The following PPFIBP1 variants were observed in gnomAD, a reference collection of about 807,000 sequenced individuals.
PPFIBP1 encodes liprin-beta-1.
In PPFIBP1, 112 loss-of-function variants were observed where a neutral mutation model predicts 137.8. The ratio of observed to expected loss-of-function variants is 0.81; its 90% CI spans 0.70 to 0.95. The LOEUF (loss-of-function observed/expected upper bound fraction) is 0.95. Ranked by LOEUF, PPFIBP1 falls within the 40% of genes least tolerant of loss-of-function variation. The pLI is 0.00. For missense variants in PPFIBP1, 1,083 were observed against 1,196.6 expected (o/e 0.91, Z 1.40); for synonymous variants, 378 against 417.3 (o/e 0.91, Z 1.15).
chr12:27,577,657 A>G lies in PPFIBP1; in HGVS notation c.-123-495A>G, dbSNP rs114178389. 2.7e-3 allele frequency among the ~76,000 whole-genome samples: 406 copies of G among 152,348 alleles called. 1 individual carries two copies. The highest frequency in any genetic ancestry group is 9.0e-3 in the African/African-American group (374 of 41,588). ...AGTTATTCAAGAGATAAGAGAATCA[A>G]AAATGCAAGTCTGAAAAATAGTGTA... On this transcript the variant is annotated intron_variant, in intron 1 of 29. Transcript: ENST00000228425.
chr12:27,673,893 A>C, intron 16 of PPFIBP1, 66 bp downstream of exon 16: 1 of 1,350,980 alleles, frequency 7.4e-7, no homozygotes, highest in Non-Finnish European at 1.0e-6. Context: ...AGGGATCTTC[A>C]TCTTTTCCCT....
chr12:27,575,821 T>G, intron 1 of PPFIBP1, among the ~76,000 whole-genome samples: 1 of 152,264 alleles, frequency 6.6e-6, no homozygotes, highest in East Asian at 1.9e-4. Context: ...TTGAGATTTT[T>G]TGCGAGTGGC....
At chr12:27,540,089 G>T (rs1177526055) in intron 1 of PPFIBP1, among the ~76,000 whole-genome samples, 3 of 149,366 alleles carry the variant, frequency 2.0e-5, no homozygotes, top group East Asian at 2.0e-4. Context: ...TAGAGACAGG[G>T]TCTTCCTCTG....
At chr12:27,527,912 C>T (rs1943959755) in intron 1 of PPFIBP1, among the ~76,000 whole-genome samples, 2 of 152,096 alleles carry the variant, frequency 1.3e-5, no homozygotes, top group South Asian at 2.1e-4. Flanking sequence ...GTTAGGGTTA[C>T]TGTCTCATTT....
At chr12:27,604,737 G>A (rs1565857329) in intron 2 of PPFIBP1, among the ~76,000 whole-genome samples, 1 of 152,180 alleles carries the variant, frequency 6.6e-6, no homozygotes, top group Non-Finnish European at 1.5e-5. Context: ...TCTAGGAAGA[G>A]AGCTCTTTAC....
chr12:27,550,284 A>G (rs1302883395), intron 1 of PPFIBP1, among the ~76,000 whole-genome samples: 1 of 152,182 alleles, frequency 6.6e-6, no homozygotes, highest in East Asian at 1.9e-4. Flanking sequence ...CTGGGTGCCC[A>G]TACATTGTCC....
At chr12:27,583,856 G>T (rs2051395567) in intron 2 of PPFIBP1, among the ~76,000 whole-genome samples, 1 of 152,120 alleles carries the variant, frequency 6.6e-6, no homozygotes, top group African/African-American at 2.4e-5. Context: ...GGTGACTTTT[G>T]TTTCCTCACT....
chr12:27,584,981 C>T (rs1318161239), intron 2 of PPFIBP1, among the ~76,000 whole-genome samples: 2 of 152,148 alleles, frequency 1.3e-5, no homozygotes, highest in Non-Finnish European at 2.9e-5. Flanking sequence ...TCATTTTAGC[C>T]TAGATATATC....
At chr12:27,590,186 T>G (rs9739248) in intron 2 of PPFIBP1, among the ~76,000 whole-genome samples, 9 of 83,730 alleles carry the variant, frequency 1.1e-4, no homozygotes, top group African/African-American at 3.6e-4. Context: ...GTTTTTTTTG[T>G]TTTTTTTGAG....
In PPFIBP1 at chr12:27,657,919, G is replaced by A. The variant is rs570824056; in HGVS notation, c.812-897G>A. ...GGCCAGGAGTTCAAGACCAGCCTGG[G>A]CAACACAATGAGACCCTGTCTCTAC... On this transcript the variant is annotated intron_variant, in intron 9 of 29. Transcript: ENST00000228425. Among the ~76,000 whole-genome samples, 40 of 152,080 alleles carry A rather than the reference G, an allele frequency of 2.6e-4. No individual in the cohort carries two copies. The South Asian group carries it at 7.9e-3, about 30-fold the overall frequency.
chr12:27,689,956 G>A (rs185257696), intron 27 of PPFIBP1, among the ~76,000 whole-genome samples: 15 of 152,224 alleles, frequency 9.9e-5, no homozygotes, highest in Non-Finnish European at 2.9e-5. Flanking sequence ...ATTACTGGGC[G>A]TCTTAAGGGG....
At chr12:27,649,712 G>A (rs570478361) in intron 6 of PPFIBP1, among the ~76,000 whole-genome samples, 15 of 152,042 alleles carry the variant, frequency 9.9e-5, no homozygotes, top group East Asian at 5.8e-4. Context: ...CACTATGCCC[G>A]GCAAATTTTT....
chr12:27,619,831 CTT>C (rs2056153906), intron 2 of PPFIBP1, among the ~76,000 whole-genome samples: 3 of 152,064 alleles, frequency 2.0e-5, no homozygotes, highest in Admixed American at 6.6e-5. Flanking sequence ...TAAATTATAA[CTT>C]AATTCATATG....
At chr12:27,537,950 C>T (rs771339639) in intron 1 of PPFIBP1, among the ~76,000 whole-genome samples, 6 of 152,098 alleles carry the variant, frequency 3.9e-5, no homozygotes, top group African/African-American at 9.7e-5. Context: ...TTAAATTCCC[C>T]GTTCATAACG....
chr12:27,536,139 C>T (rs1944974109), intron 1 of PPFIBP1, among the ~76,000 whole-genome samples: 2 of 152,200 alleles, frequency 1.3e-5, no homozygotes, highest in African/African-American at 4.8e-5. Context: ...GTATTGGTAA[C>T]ACACTTACCT....
At chr12:27,619,259 G>A (rs73080262) in intron 2 of PPFIBP1, among the ~76,000 whole-genome samples, 1,895 of 152,156 alleles carry the variant, frequency 0.012, 45 homozygotes, top group African/African-American at 0.043. Context: ...ATATCCTCCT[G>A]TATACTTTAA....
At chr12:27,688,536 C>CT (rs2061330133) in intron 26 of PPFIBP1, 113 bp downstream of exon 26, 1 of 1,280,718 alleles carries the variant, frequency 7.8e-7, no homozygotes, top group Non-Finnish European at 1.1e-6. Flanking sequence ...CTCAACCCTC[C>CT]TGCCCTATTT....
intron 15 of PPFIBP1, among the ~76,000 whole-genome samples, chr12:27,672,856 G>A (rs1232035923): frequency 6.6e-6 from 1 of 152,062 alleles, no homozygotes; most frequent in South Asian, 2.1e-4. Context: ...AGCTGAGATG[G>A]GTTTTTTTGC....
At chr12:27,626,606 G>A (rs1374880839) in intron 2 of PPFIBP1, among the ~76,000 whole-genome samples, 1 of 151,634 alleles carries the variant, frequency 6.6e-6, no homozygotes, top group Non-Finnish European at 1.5e-5. Context: ...TCACTCTATC[G>A]CCCAGGCTGG....
Sources: allele counts gnomAD v4.1 joint callset (sites outside exome capture counted in the v4.1 genomes callset), GRCh38; gene constraint gnomAD v4.1.1; transcripts MANE v1.5; gene names NCBI Gene and HGNC (gene_info 2026-07-23, HGNC 2026-07-21).